Variants in JPH2 observed in about 807,000 individuals in gnomAD.
JPH2 encodes the protein junctophilin-2.
A neutral mutation model predicts 55.9 loss-of-function variants in JPH2; 38 were observed. The ratio of observed to expected loss-of-function variants is 0.68; its 90% CI spans 0.52 to 0.89. The LOEUF is 0.89. Among genes scored for constraint, JPH2 ranks in the 40% least tolerant of loss-of-function variants. The probability of loss-of-function intolerance (pLI) is 0.00; values close to 1 mark genes in which losing one functional copy is unlikely to be tolerated. For missense variants in JPH2, 964 were observed against 1,037.6 expected (o/e 0.93, Z 0.97); for synonymous variants, 480 against 472.4 (o/e 1.02, Z -0.21).
chr20:44,177,816 T>A (rs1407821158), intron 1 of JPH2: 14 of 1,578,608 alleles, frequency 8.9e-6, no homozygotes, highest in Non-Finnish European at 1.0e-5. Flanking sequence ...GTGACAGCTA[T>A]GGTTCAGGCC....
chr20:44,152,867 T>C (rs1176583244), intron 2 of JPH2, among the ~76,000 whole-genome samples: 1 of 152,250 alleles, frequency 6.6e-6, no homozygotes, highest in Non-Finnish European at 1.5e-5. Flanking sequence ...AAAACAAACT[T>C]TAGGCTCAGT....
chr20:44,186,510 G>T lies in JPH2; in HGVS notation c.196C>A (p.Gln66Lys). ...SGNTFEGYWSQGKRHGLGIET... is the reference protein window; with the variant it reads ...SGNTFEGYWSKGKRHGLGIET... ...ATGCCCAGCCCATGCCGTTTGCCCT[G>T]GCTCCAGTATCCCTCAAAGGTGTTT... Residue 66 changes from glutamine to lysine, a missense_variant, in exon 1 of 6, where the codon CAG (glutamine) becomes AAG (lysine). Physicochemically the swap from Gln to Lys is moderately conservative, Grantham distance 53. Coordinates refer to ENST00000372980, the MANE Select transcript of JPH2 (RefSeq NM_020433.5). 6.2e-7 allele frequency: 1 copy of T among 1,614,048 alleles called. No individual in the cohort carries two copies. The highest frequency in any genetic ancestry group is 8.5e-7 in the Non-Finnish European group (1 of 1,180,006).
intron 1 of JPH2, among the ~76,000 whole-genome samples, chr20:44,182,396 A>G (rs887467173): frequency 6.6e-6 from 1 of 152,174 alleles, no homozygotes; most frequent in Non-Finnish European, 1.5e-5. Flanking sequence ...ATGTGGGGTC[A>G]TCTCATCTGG....
chr20:44,134,888 TA>T (rs1569195838), intron 2 of JPH2, among the ~76,000 whole-genome samples: 3 of 34,332 alleles, frequency 8.7e-5, no homozygotes, highest in African/African-American at 4.1e-4. Flanking sequence ...ATATATATAT[TA>T]ATATATATTT....
intron 1 of JPH2, chr20:44,176,873 G>A: frequency 2.0e-6 from 2 of 985,240 alleles, no homozygotes; most frequent in African/African-American, 1.7e-5. Context: ...CATGGTACAT[G>A]CCATCCAGAG....
At position 44,151,491 on chromosome 20, in the gene JPH2, T is replaced by G. The variant is rs187821512; in HGVS notation, c.1169+8127A>C. Among the ~76,000 whole-genome samples, 630 of 151,940 alleles carry G rather than the reference T, an allele frequency of 4.1e-3. 1 individual carries two copies. The highest frequency in any genetic ancestry group is 6.4e-3 in the Non-Finnish European group (437 of 67,942). On this transcript the variant is annotated intron_variant, in intron 2 of 5. Coordinates refer to ENST00000372980, the MANE Select transcript of JPH2 (RefSeq NM_020433.5). ...GAGATCATGCCATTGCACTCCAGTC[T>G]GGGCGACAGAGCAAGACTCTGTCTC...
intron 2 of JPH2, among the ~76,000 whole-genome samples, chr20:44,140,436 C>T (rs973386240): frequency 6.6e-6 from 1 of 152,216 alleles, no homozygotes; most frequent in East Asian, 1.9e-4. Context: ...AAAGCTACAG[C>T]AGGTCCTATG....
chr20:44,157,130 C>T (rs775900217), intron 2 of JPH2, among the ~76,000 whole-genome samples: 9 of 152,026 alleles, frequency 5.9e-5, no homozygotes, highest in Non-Finnish European at 1.2e-4. Flanking sequence ...GTCTGGTGTC[C>T]GACACTGTAG....
chr20:44,185,633 T>A (rs2072829610), intron 1 of JPH2, among the ~76,000 whole-genome samples: 2 of 125,810 alleles, frequency 1.6e-5, no homozygotes, highest in Admixed American at 1.9e-4. Context: ...AGAACTTGTC[T>A]TGGAAAAAAA....
intron 1 of JPH2, chr20:44,177,467 G>A (rs1431819935): frequency 2.0e-6 from 2 of 991,558 alleles, no homozygotes; most frequent in Non-Finnish European, 2.4e-6. Context: ...ATGAATCACT[G>A]AAAACAAGGC....
intron 1 of JPH2, among the ~76,000 whole-genome samples, chr20:44,169,237 T>A (rs187446314): frequency 2.0e-5 from 3 of 151,318 alleles, no homozygotes; most frequent in Non-Finnish European, 2.9e-5. Context: ...AGTGCAGTAG[T>A]GTGATCTTGG....
Position 44,114,868 on chromosome 20 carries a change from G to A in JPH2, c.2019C>T (p.Asn673=). ...GGATCACCATGCAGATGAGGATGGT[G>A]TTGGGGACCTGGGAGCAGTGGAGAG... The part of the protein sequence containing the change: ...EAEVEVEEVP[N]TILICMVILL... Residue 673 remains asparagine (N), a synonymous_variant, in exon 5 of 6, where the codon AAC becomes AAT. Coordinates refer to ENST00000372980, the MANE Select transcript of JPH2 (RefSeq NM_020433.5). 1.9e-6 allele frequency: 3 copies of A among 1,602,904 alleles called. No homozygotes were observed. Among genetic ancestry groups the A allele is most frequent in the Non-Finnish European group, 2.6e-6 (3 of 1,175,526 alleles).
intron 4 of JPH2, 117 bp downstream of exon 4, chr20:44,115,548 C>T (rs2072181839): frequency 7.3e-7 from 1 of 1,362,460 alleles, no homozygotes; most frequent in Non-Finnish European, 1.0e-6. Flanking sequence ...CCTGCTCTAT[C>T]CTGCTTCGGT....
chr20:44,128,515 G>A (rs1000550006), intron 2 of JPH2, among the ~76,000 whole-genome samples: 1 of 152,056 alleles, frequency 6.6e-6, no homozygotes, highest in Non-Finnish European at 1.5e-5. Context: ...GAAAGCCCAT[G>A]GGGTGGGTGA....
rs973606578 is a variant in JPH2 at position 44,110,965 on chromosome 20, CCTT to C, written c.*2550_*2552del. Among the ~76,000 whole-genome samples, 1 of 152,178 alleles carries C rather than the reference CCTT, an allele frequency of 6.6e-6. No homozygotes were observed. Among genetic ancestry groups the C allele is most frequent in the African/African-American group, 2.4e-5 (1 of 41,440 alleles). ...CTCGAGCCTACTGTTGGTTGAGGGA[CCTT>C]CTTCTCCAACCCCCTCGCTGGGAAC... is the stretch of plus-strand genomic sequence containing the variant. On this transcript the variant is annotated 3_prime_UTR_variant, in exon 6 of 6. Coordinates refer to ENST00000372980, the MANE Select transcript of JPH2 (RefSeq NM_020433.5).
At chr20:44,123,466 C>A (rs73908568) in intron 2 of JPH2, among the ~76,000 whole-genome samples, 1,874 of 152,320 alleles carry the variant, frequency 0.012, 40 homozygotes, top group African/African-American at 0.043. Context: ...CGTGGCCTCA[C>A]CCCTTGCTTC....
intron 2 of JPH2, among the ~76,000 whole-genome samples, chr20:44,133,862 C>T (rs5014522): frequency 0.41 from 14,347 of 34,640 alleles, 2,642 homozygotes; most frequent in Middle Eastern, 0.52. Flanking sequence ...AATAAATATA[C>T]ATTATAATAT....
At chr20:44,155,082 A>G (rs2072556153) in intron 2 of JPH2, among the ~76,000 whole-genome samples, 1 of 152,108 alleles carries the variant, frequency 6.6e-6, no homozygotes, top group Non-Finnish European at 1.5e-5. Context: ...ATAAGGGGGC[A>G]TCCCTCCTTC....
chr20:44,158,469 C>T (rs985223743), intron 2 of JPH2, among the ~76,000 whole-genome samples: 16 of 152,182 alleles, frequency 1.1e-4, no homozygotes, highest in Admixed American at 8.5e-4. Flanking sequence ...TCACTTAGCT[C>T]ATCTGCAAAA....
Sources: allele counts gnomAD v4.1 joint callset (sites outside exome capture counted in the v4.1 genomes callset), GRCh38; gene constraint gnomAD v4.1.1; transcripts MANE v1.5; gene names NCBI Gene and HGNC (gene_info 2026-07-23, HGNC 2026-07-21).